COG5: variants seen among roughly 807,000 people sequenced by gnomAD.
COG5 encodes conserved oligomeric Golgi complex subunit 5.
A neutral mutation model predicts 110.4 loss-of-function variants in COG5; 86 were observed. The observed-to-expected ratio is 0.78, with a 90% CI of 0.65 to 0.93. COG5 has a LOEUF of 0.93. COG5 is among the 40% of genes least tolerant of loss of function. COG5 has a pLI of 0.00. For missense variants in COG5, 1,077 were observed against 987.0 expected, an observed-to-expected ratio of 1.09 and a Z score of -1.22; for synonymous variants, 360 against 334.6, an observed-to-expected ratio of 1.08 and a Z score of -0.83.
intron 7 of COG5, among the ~76,000 whole-genome samples, chr7:107,386,197 C>T (rs563691331): frequency 1.5e-5 from 2 of 137,320 alleles, no homozygotes; most frequent in East Asian, 4.5e-4. Context: ...AGGAGTCTAT[C>T]TAAATAGCTT....
chr7:107,303,837 C>G (rs1807485559), intron 11 of COG5, among the ~76,000 whole-genome samples: 1 of 152,062 alleles, frequency 6.6e-6, no homozygotes, highest in Admixed American at 6.6e-5. Flanking sequence ...TATAGTACAC[C>G]TACTGTACAT....
chr7:107,552,253 A>G (rs1802954290), intron 3 of COG5, among the ~76,000 whole-genome samples: 1 of 152,216 alleles, frequency 6.6e-6, no homozygotes, highest in Non-Finnish European at 1.5e-5. Context: ...CATGCTCTCA[A>G]AAATGCATAA....
intron 10 of COG5, among the ~76,000 whole-genome samples, chr7:107,346,849 C>G (rs1406121679): frequency 6.6e-6 from 1 of 152,056 alleles, no homozygotes; most frequent in African/African-American, 2.4e-5. Flanking sequence ...CTATCCCTCC[C>G]CACTCCCCCT....
At chr7:107,388,891 C>T (rs990341595) in intron 7 of COG5, among the ~76,000 whole-genome samples, 7 of 152,264 alleles carry the variant, frequency 4.6e-5, no homozygotes, top group Admixed American at 2.0e-4. Context: ...CTGAACAATG[C>T]GGCTTCCACA....
chr7:107,205,342 C>G (rs1798686785), intron 21 of COG5, among the ~76,000 whole-genome samples: 1 of 152,166 alleles, frequency 6.6e-6, no homozygotes, highest in South Asian at 2.1e-4. Flanking sequence ...CATCATCAAG[C>G]TGCTCCCAGC....
intron 6 of COG5, among the ~76,000 whole-genome samples, chr7:107,423,528 T>C (rs553637506): frequency 3.9e-5 from 6 of 151,968 alleles, no homozygotes; most frequent in Admixed American, 2.0e-4. Context: ...TTCTATACAA[T>C]GAGAGAGGGA....
chr7:107,251,341 G>A (rs1802487513), intron 16 of COG5, among the ~76,000 whole-genome samples: 1 of 152,008 alleles, frequency 6.6e-6, no homozygotes, highest in East Asian at 1.9e-4. Context: ...AAAATTAGGA[G>A]TGTTCTTTGC....
intron 1 of COG5, among the ~76,000 whole-genome samples, chr7:107,559,396 G>C (rs1803597705): frequency 6.6e-6 from 1 of 152,168 alleles, no homozygotes; most frequent in Non-Finnish European, 1.5e-5. Flanking sequence ...TGCCTTGAGA[G>C]AGATTATGAA....
chr7:107,549,922 CAT>C (rs912005911), intron 3 of COG5, among the ~76,000 whole-genome samples: 18 of 152,262 alleles, frequency 1.2e-4, no homozygotes, highest in East Asian at 1.9e-4. Context: ...CACACACACA[CAT>C]ATACAGACGT....
At chr7:107,501,118 A>G (rs1024400) in intron 6 of COG5, among the ~76,000 whole-genome samples, 16,329 of 152,128 alleles carry the variant, frequency 0.11, 2,218 homozygotes, top group African/African-American at 0.32. Context: ...CAAAGCTGTA[A>G]TTCATCAAGA....
intron 8 of COG5, among the ~76,000 whole-genome samples, chr7:107,367,100 A>T (rs1813694529): frequency 6.6e-6 from 1 of 151,600 alleles, no homozygotes; most frequent in Admixed American, 6.6e-5. Flanking sequence ...ATTTTGTCTC[A>T]TTTTCCAATT....
At chr7:107,532,670 T>G (rs1362327683) in intron 5 of COG5, among the ~76,000 whole-genome samples, 1 of 152,134 alleles carries the variant, frequency 6.6e-6, no homozygotes, top group Admixed American at 6.5e-5. Context: ...ATAAACAGTA[T>G]ATAATTTCTT....
At chr7:107,369,116 T>C (rs896009358) in intron 8 of COG5, among the ~76,000 whole-genome samples, 3 of 152,166 alleles carry the variant, frequency 2.0e-5, no homozygotes, top group Admixed American at 2.0e-4. Context: ...CTTAAATTTG[T>C]TGATCATTAT....
intron 6 of COG5, among the ~76,000 whole-genome samples, chr7:107,466,031 G>T (rs1796274782): frequency 6.6e-6 from 1 of 152,054 alleles, no homozygotes; most frequent in African/African-American, 2.4e-5. Context: ...TAACTTAAGA[G>T]TAAGAGAATT....
chr7:107,446,625 GTC>G (rs142995574), intron 6 of COG5, among the ~76,000 whole-genome samples: 5 of 151,780 alleles, frequency 3.3e-5, no homozygotes, highest in East Asian at 3.9e-4. Flanking sequence ...TGCTCTCACT[GTC>G]TCTCTCTCTC....
intron 5 of COG5, among the ~76,000 whole-genome samples, chr7:107,542,760 AG>A (rs1302845693): frequency 1.3e-5 from 2 of 152,154 alleles, no homozygotes; most frequent in Admixed American, 1.3e-4. Flanking sequence ...ACTTGAGGTC[AG>A]GAGTTCGAGA....
chr7:107,260,888 T>C (rs1381537090), intron 14 of COG5, among the ~76,000 whole-genome samples: 2 of 152,056 alleles, frequency 1.3e-5, no homozygotes, highest in African/African-American at 2.4e-5. Context: ...CCAAGTCCAA[T>C]AGTTAGCTAA....
chr7:107,513,095 T>C (rs1253274709), intron 6 of COG5, among the ~76,000 whole-genome samples: 3 of 151,386 alleles, frequency 2.0e-5, no homozygotes, highest in African/African-American at 2.4e-5. Flanking sequence ...GAAACTACCA[T>C]CAGAGTGAAC....
intron 16 of COG5, among the ~76,000 whole-genome samples, chr7:107,254,034 T>A (rs902031095): frequency 1.3e-5 from 2 of 152,136 alleles, no homozygotes; most frequent in Non-Finnish European, 2.9e-5. Flanking sequence ...GAAAGGACTT[T>A]ATTTGTGACT....
Sources: gnomAD v4.1 joint callset for allele counts (sites outside exome capture counted in the v4.1 genomes callset) on GRCh38, gnomAD v4.1.1 for gene constraint, MANE v1.5 for transcripts, NCBI Gene and HGNC (gene_info 2026-07-23, HGNC 2026-07-21) for gene names.